CAPZB: variants seen among roughly 807,000 people sequenced by gnomAD.
The protein encoded by CAPZB is capping actin protein of muscle Z-line subunit beta.
CAPZB carries 2 observed loss-of-function variants against 38.1 expected under a neutral mutation model. That is an observed-to-expected ratio of 0.05 (90% CI 0.02 to 0.17). CAPZB has a LOEUF of 0.17. Ranked by LOEUF, CAPZB falls within the 10% of genes least tolerant of loss-of-function variation. The probability of loss-of-function intolerance (pLI) is 1.00; values close to 1 mark genes in which losing one functional copy is unlikely to be tolerated. For synonymous variants in CAPZB, 107 were observed against 127.4 expected, an observed-to-expected ratio of 0.84 and a Z score of 1.08; for missense variants, 161 against 334.2, an observed-to-expected ratio of 0.48 and a Z score of 4.04.
chr1:19,481,450 G>A (rs939841846), intron 1 of CAPZB, among the ~76,000 whole-genome samples: 6 of 152,172 alleles, frequency 3.9e-5, no homozygotes, highest in African/African-American at 7.2e-5. Context: ...GACTTGGGCT[G>A]ACAGGGATCC....
chr1:19,446,777 A>G (rs2094497403), intron 1 of CAPZB, among the ~76,000 whole-genome samples: 2 of 152,234 alleles, frequency 1.3e-5, no homozygotes, highest in Admixed American at 1.3e-4. Flanking sequence ...TGAGTAAAAA[A>G]ATGCCCAAAT....
In CAPZB at chr1:19,388,747, C is replaced by T. The variant is rs531549289; in HGVS notation, c.94-3121G>A. ...CCTCTGCTCTGCTGTGAGCTGGCCA[C>T]GGAACCTTAGGCAAAGCCCAAGACT... On this transcript the variant is annotated intron_variant, in intron 2 of 8. Coordinates refer to ENST00000264202, the MANE Select transcript of CAPZB (RefSeq NM_004930.5). 1.1e-4 allele frequency among the ~76,000 whole-genome samples: 17 copies of T among 152,308 alleles called. No homozygotes were observed. In the South Asian group the frequency reaches 2.5e-3, roughly 22 times the overall value.
intron 6 of CAPZB, among the ~76,000 whole-genome samples, chr1:19,347,935 G>A (rs115555875): frequency 1.4e-3 from 219 of 152,328 alleles, no homozygotes; most frequent in South Asian, 7.7e-3. Flanking sequence ...ATGCAAGCCA[G>A]ATATTTAGGC....
At chr1:19,463,587 G>C (rs987122701) in intron 1 of CAPZB, among the ~76,000 whole-genome samples, 2 of 152,160 alleles carry the variant, frequency 1.3e-5, no homozygotes, top group Non-Finnish European at 2.9e-5. Flanking sequence ...AGCTGGAACT[G>C]CCCAGGGTGC....
At chr1:19,355,215 C>T (rs913355739) in intron 6 of CAPZB, among the ~76,000 whole-genome samples, 2 of 152,104 alleles carry the variant, frequency 1.3e-5, no homozygotes, top group South Asian at 2.1e-4. Context: ...TACACTGGGC[C>T]GGGTGTGGTG....
intron 1 of CAPZB, among the ~76,000 whole-genome samples, chr1:19,460,716 C>T (rs182639065): frequency 5.9e-5 from 9 of 151,340 alleles, no homozygotes; most frequent in African/African-American, 1.9e-4. Flanking sequence ...TTCTGATCAA[C>T]GGTACTAACC....
chr1:19,449,402 G>A (rs1433178555), intron 1 of CAPZB: 1 of 924,926 alleles, frequency 1.1e-6, no homozygotes, highest in Admixed American at 5.4e-5. Context: ...TCCTTAAGGT[G>A]AGGAAAGAAC....
At chr1:19,468,900 A>C (rs1017959798) in intron 1 of CAPZB, among the ~76,000 whole-genome samples, 5 of 152,018 alleles carry the variant, frequency 3.3e-5, no homozygotes, top group Admixed American at 2.0e-4. Flanking sequence ...CGTGCCTTGA[A>C]TCTCTCAGCG....
intron 1 of CAPZB, among the ~76,000 whole-genome samples, chr1:19,450,051 G>A (rs1029027217): frequency 1.1e-4 from 16 of 150,312 alleles, no homozygotes; most frequent in African/African-American, 3.9e-4. Context: ...GGCTGAGGTG[G>A]GAGGACTGCT....
chr1:19,436,488 G>T (rs138115645), intron 1 of CAPZB, among the ~76,000 whole-genome samples: 1 of 152,300 alleles, frequency 6.6e-6, no homozygotes, highest in African/African-American at 2.4e-5. Context: ...TTTAATAAAG[G>T]AAGGGAAAAA....
chr1:19,469,376 T>C (rs1253262304), intron 1 of CAPZB, among the ~76,000 whole-genome samples: 2 of 152,230 alleles, frequency 1.3e-5, no homozygotes, highest in African/African-American at 4.8e-5. Context: ...CAAAGTTTCC[T>C]TCCTAAATAA....
At chr1:19,348,881 T>C (rs1336663475) in intron 6 of CAPZB, among the ~76,000 whole-genome samples, 1 of 151,642 alleles carries the variant, frequency 6.6e-6, no homozygotes, top group African/African-American at 2.4e-5. Context: ...TGAGGACTAG[T>C]GGAAAAGAGG....
chr1:19,463,801 G>A (rs1313575441), intron 1 of CAPZB, among the ~76,000 whole-genome samples: 2 of 152,172 alleles, frequency 1.3e-5, no homozygotes, highest in African/African-American at 4.8e-5. Flanking sequence ...CACACAGGGT[G>A]GAGAAACGTG....
At chr1:19,368,678 T>C (rs1347573256) in intron 4 of CAPZB, among the ~76,000 whole-genome samples, 2 of 150,336 alleles carry the variant, frequency 1.3e-5, no homozygotes, top group African/African-American at 4.9e-5. Flanking sequence ...TTTTTTTTTT[T>C]TTAATTAGAC....
intron 4 of CAPZB, among the ~76,000 whole-genome samples, chr1:19,361,754 G>C (rs907186599): frequency 2.0e-5 from 3 of 152,222 alleles, no homozygotes; most frequent in Non-Finnish European, 4.4e-5. Context: ...TTAAGAATGT[G>C]CTAAAACGTT....
intron 8 of CAPZB, 104 bp downstream of exon 8, chr1:19,344,254 C>G (rs2100239974): frequency 1.2e-6 from 1 of 864,506 alleles, no homozygotes; most frequent in East Asian, 2.4e-5. Flanking sequence ...CTGCAGCCTA[C>G]CAATGAGGAC....
At chr1:19,433,189 A>C (rs2094447908) in intron 1 of CAPZB, among the ~76,000 whole-genome samples, 1 of 152,224 alleles carries the variant, frequency 6.6e-6, no homozygotes, top group African/African-American at 2.4e-5. Flanking sequence ...CACTTTGTCA[A>C]CTGGCAGTTA....
intron 1 of CAPZB, among the ~76,000 whole-genome samples, chr1:19,477,604 G>A (rs554989018): frequency 9.8e-5 from 15 of 152,340 alleles, no homozygotes; most frequent in African/African-American, 3.4e-4. Flanking sequence ...GCCTCACGAC[G>A]GAGAAGCCTT....
intron 2 of CAPZB, among the ~76,000 whole-genome samples, chr1:19,397,433 A>C (rs915690344): frequency 6.6e-6 from 1 of 152,218 alleles, no homozygotes; most frequent in African/African-American, 2.4e-5. Context: ...CTATGGTCAC[A>C]CAGCAGGTAA....
Sources: allele counts gnomAD v4.1 joint callset (sites outside exome capture counted in the v4.1 genomes callset), GRCh38; gene constraint gnomAD v4.1.1; transcripts MANE v1.5; gene names NCBI Gene and HGNC (gene_info 2026-07-23, HGNC 2026-07-21).